Variants in MDGA2 observed in about 807,000 individuals in gnomAD.
MDGA2 encodes MAM domain-containing glycosylphosphatidylinositol anchor protein 2.
In MDGA2, 40 loss-of-function variants were observed where a neutral mutation model predicts 117.8. That is an observed-to-expected ratio of 0.34 (90% confidence interval 0.26 to 0.44). The LOEUF is 0.44. Ranked by LOEUF, MDGA2 falls within the 20% of genes least tolerant of loss-of-function variation. MDGA2 has a pLI of 1.00. For synonymous variants in MDGA2, 452 were observed against 439.0 expected, an observed-to-expected ratio of 1.03 and a Z score of -0.37; for missense variants, 1,123 against 1,250.6, an observed-to-expected ratio of 0.90 and a Z score of 1.54.
intron 1 of MDGA2, among the ~76,000 whole-genome samples, chr14:47,347,413 T>C (rs985194730): frequency 1.3e-5 from 2 of 152,164 alleles, no homozygotes; most frequent in African/African-American, 2.4e-5. Context: ...GTTTTGATGG[T>C]AGAATTTTAA....
chr14:47,566,786 C>T (rs966485416), intron 1 of MDGA2, among the ~76,000 whole-genome samples: 5 of 151,998 alleles, frequency 3.3e-5, no homozygotes, highest in Admixed American at 2.6e-4. Context: ...TCTGTGTCCT[C>T]CCTCTGTCCA....
At chr14:47,670,590 T>A (rs2138316981) in intron 1 of MDGA2, among the ~76,000 whole-genome samples, 1 of 152,266 alleles carries the variant, frequency 6.6e-6, no homozygotes, top group Non-Finnish European at 1.5e-5. Context: ...ATGCATTGGA[T>A]CACTTAGCTC....
chr14:46,942,499 C>G (rs1272813935), intron 9 of MDGA2, among the ~76,000 whole-genome samples: 1 of 152,012 alleles, frequency 6.6e-6, no homozygotes, highest in Non-Finnish European at 1.5e-5. Flanking sequence ...GTAATCACCA[C>G]CATAATCAAG....
In MDGA2 at chr14:46,841,607, C is replaced by CT. The variant is rs66690712; in HGVS notation, c.*323dup. ...TGCTTTGACAAGGATTTCTATAGCT[C>CT]TTTTTTTTTTCTTTTTTTCATTTTT... On this transcript the variant is annotated 3_prime_UTR_variant, in exon 17 of 17. Transcript: ENST00000399232. 0.38 allele frequency: 55,190 copies of CT among 146,256 alleles called. 11,825 individuals are homozygous for CT. Among genetic ancestry groups the CT allele is most frequent in the Non-Finnish European group, 0.47 (32,246 of 69,316 alleles). 9.1% of individuals were successfully genotyped at this position (146,256 alleles called of 1,614,324 possible).
chr14:47,386,799 T>C (rs753336296), intron 1 of MDGA2, among the ~76,000 whole-genome samples: 3 of 152,174 alleles, frequency 2.0e-5, no homozygotes, highest in Non-Finnish European at 4.4e-5. Context: ...AGACTATCTG[T>C]GAGCATAAAC....
intron 3 of MDGA2, among the ~76,000 whole-genome samples, chr14:47,187,295 AT>A (rs1263717404): frequency 1.9e-4 from 29 of 152,072 alleles, no homozygotes; most frequent in African/African-American, 7.0e-4. Context: ...TAGGCTTGGA[AT>A]TAGTAATTTA....
At chr14:47,623,176 C>G (rs1470712193) in intron 1 of MDGA2, among the ~76,000 whole-genome samples, 1 of 152,162 alleles carries the variant, frequency 6.6e-6, no homozygotes, top group Non-Finnish European at 1.5e-5. Context: ...TCCACTCTCT[C>G]TCACACATGC....
intron 7 of MDGA2, among the ~76,000 whole-genome samples, chr14:47,040,401 G>T (rs974312664): frequency 7.3e-5 from 11 of 151,648 alleles, no homozygotes; most frequent in Admixed American, 2.6e-4. Flanking sequence ...CATATTACAG[G>T]GCCCAAGAAG....
At position 47,060,369 on chromosome 14, in the gene MDGA2, A is replaced by G. The variant is rs1324794751; in HGVS notation, c.1525+880T>C. 3.9e-5 allele frequency among the ~76,000 whole-genome samples: 6 copies of G among 152,130 alleles called. No individual in the cohort carries two copies. In the East Asian group the frequency reaches 9.6e-4, roughly 24 times the overall value. The stretch of plus-strand genomic sequence containing the variant: ...AAATTATAGGTGAATACTTCAAAGT[A>G]CAAGATACAAAACGCTGCCTGATCA... On this transcript the variant is annotated intron_variant, in intron 7 of 16. Coordinates refer to ENST00000399232, the MANE Select transcript of MDGA2 (RefSeq NM_001113498.3).
chr14:47,290,215 G>A (rs1888833524), intron 2 of MDGA2, among the ~76,000 whole-genome samples: 1 of 151,934 alleles, frequency 6.6e-6, no homozygotes, highest in Admixed American at 6.6e-5. Context: ...TAGTAGACGG[G>A]GCCTATGGGA....
intron 15 of MDGA2, among the ~76,000 whole-genome samples, chr14:46,852,785 C>T (rs1241016752): frequency 6.6e-6 from 1 of 151,908 alleles, no homozygotes; most frequent in African/African-American, 2.4e-5. Flanking sequence ...TTACTCTAGT[C>T]TCGCCTAAGA....
At chr14:47,476,935 G>T (rs1470774252) in intron 1 of MDGA2, among the ~76,000 whole-genome samples, 2 of 152,196 alleles carry the variant, frequency 1.3e-5, no homozygotes, top group Non-Finnish European at 2.9e-5. Context: ...GCCGAGGCGG[G>T]TGTATCACCG....
In MDGA2 at chr14:47,280,175, G is replaced by A. The variant is rs200231629; in HGVS notation, c.420+21236C>T. Among the ~76,000 whole-genome samples the A allele has an allele frequency of 2.6e-5, 4 of 151,458 alleles. No individual in the cohort carries two copies. The East Asian group carries it at 7.8e-4, about 29-fold the overall frequency. On this transcript the variant is annotated intron_variant, in intron 2 of 16. Coordinates refer to ENST00000399232, the MANE Select transcript of MDGA2 (RefSeq NM_001113498.3). ...ATTAAAAATACAAAATTATCTGGGC[G>A]TGGTGGTACATGCCTGTAATCCCAG...
chr14:47,378,341 G>C (rs1205087098), intron 1 of MDGA2, among the ~76,000 whole-genome samples: 1 of 152,170 alleles, frequency 6.6e-6, no homozygotes, highest in African/African-American at 2.4e-5. Flanking sequence ...GCCAGCAATG[G>C]AACAAAGCTG....
intron 7 of MDGA2, among the ~76,000 whole-genome samples, chr14:47,048,694 C>T (rs142559867): frequency 7.9e-5 from 12 of 152,126 alleles, no homozygotes; most frequent in African/African-American, 2.6e-4. Flanking sequence ...CAAAATGAAA[C>T]AACCAGTGAA....
intron 3 of MDGA2, among the ~76,000 whole-genome samples, chr14:47,177,806 A>C (rs906341215): frequency 6.6e-6 from 1 of 152,168 alleles, no homozygotes. Flanking sequence ...ATAATAAAAT[A>C]AAATAAAAAT....
intron 1 of MDGA2, among the ~76,000 whole-genome samples, chr14:47,650,364 C>T (rs534383855): frequency 1.6e-4 from 25 of 152,318 alleles, no homozygotes; most frequent in African/African-American, 5.8e-4. Context: ...CCTTGAATAA[C>T]ATTGTTTCTT....
chr14:47,059,079 G>A, intron 7 of MDGA2: 1 of 1,031,632 alleles, frequency 9.7e-7, no homozygotes, highest in Non-Finnish European at 1.2e-6. Flanking sequence ...AATAAGGGCA[G>A]TAAGAGGCAC....
intron 2 of MDGA2, among the ~76,000 whole-genome samples, chr14:47,264,208 T>C (rs1421603152): frequency 6.6e-6 from 1 of 152,154 alleles, no homozygotes; most frequent in Non-Finnish European, 1.5e-5. Flanking sequence ...ATAAATCACA[T>C]ACTACTGAAA....
Sources: allele counts gnomAD v4.1 joint callset (sites outside exome capture counted in the v4.1 genomes callset), GRCh38; gene constraint gnomAD v4.1.1; transcripts MANE v1.5; gene names NCBI Gene and HGNC (gene_info 2026-07-23, HGNC 2026-07-21).